DIAPH1: variants seen among roughly 807,000 people sequenced by gnomAD.
DIAPH1 encodes the protein protein diaphanous homolog 1.
In DIAPH1, 46 loss-of-function variants were observed where a neutral mutation model predicts 140.7. The ratio of observed to expected loss-of-function variants is 0.33; its 90% confidence interval spans 0.26 to 0.42. The LOEUF is 0.42. Ranked by LOEUF, DIAPH1 falls within the 10% of genes least tolerant of loss-of-function variation. The pLI is 1.00. For missense variants in DIAPH1, 1,310 were observed against 1,558.7 expected (o/e 0.84, Z 2.69); for synonymous variants, 565 against 551.6 (o/e 1.02, Z -0.34).
chr5:141,576,055 A>G (rs1177112483), intron 14 of DIAPH1, among the ~76,000 whole-genome samples, 175 bp downstream of exon 14: 2 of 152,200 alleles, frequency 1.3e-5, no homozygotes, highest in South Asian at 2.1e-4. Flanking sequence ...GAAGACATCC[A>G]TATCACTTTC....
chr5:141,583,340 T>C, intron 5 of DIAPH1, 48 bp from the exon 6 acceptor site: 1 of 1,606,102 alleles, frequency 6.2e-7, no homozygotes, highest in East Asian at 2.2e-5. Context: ...AATAAATACT[T>C]ATTTGCCAAA....
At chr5:141,582,052 T>G (rs962410302) in intron 7 of DIAPH1, 2 of 314,532 alleles carry the variant, frequency 6.4e-6, no homozygotes, top group Admixed American at 1.6e-4. Context: ...AGAGCGAGAC[T>G]CCATCTCAAA....
At chr5:141,524,082 G>T in intron 27 of DIAPH1, 61 bp downstream of exon 27, 3 of 1,401,064 alleles carry the variant, frequency 2.1e-6, no homozygotes, top group Non-Finnish European at 3.0e-6. Flanking sequence ...CCGCAGACTG[G>T]CAGGAGTAGA....
intron 1 of DIAPH1, among the ~76,000 whole-genome samples, chr5:141,609,675 G>A (rs10477148): frequency 0.68 from 103,484 of 152,122 alleles, 36,590 homozygotes; most frequent in African/African-American, 0.88. Flanking sequence ...TGCTACTGTT[G>A]TTATTCCCTA....
intron 3 of DIAPH1, among the ~76,000 whole-genome samples, chr5:141,585,296 T>C (rs988491607): frequency 6.6e-6 from 1 of 152,034 alleles, no homozygotes; most frequent in Admixed American, 6.5e-5. Context: ...ACACAGAAGT[T>C]ACAAAATGGT....
rs372097562 is a variant in DIAPH1 at position 141,574,129 on chromosome 5, G to T, written c.1721C>A (p.Pro574His). The T allele has an allele frequency of 6.2e-7, 1 of 1,614,068 alleles. No homozygotes were observed. Among genetic ancestry groups the T allele is most frequent in the Admixed American group, 1.7e-5 (1 of 60,010 alleles). ...SLSAAAITVP[P>H]SVPSRAPVPP... ...AACAGGAGCACGACTAGGAACAGAAGGAGGTACAGTAATAGCTGCCGCAGA... is the reference window on the plus strand; with the variant it reads ...AACAGGAGCACGACTAGGAACAGAATGAGGTACAGTAATAGCTGCCGCAGA... The change falls in exon 16 of 28, where the codon CCT becomes CAT. Residue 574 changes from proline to histidine, a missense_variant. Physicochemically the swap from Pro to His is moderately conservative, Grantham distance 77. Around this residue, in one of 3 missense-constraint regions of DIAPH1, gnomAD observed 589 missense variants for 549.3 expected, o/e 1.07. Coordinates refer to ENST00000389054, the MANE Select transcript of DIAPH1 (RefSeq NM_005219.5).
At chr5:141,589,665 T>C (rs2099898082) in intron 1 of DIAPH1, among the ~76,000 whole-genome samples, 1 of 152,038 alleles carries the variant, frequency 6.6e-6, no homozygotes, top group Non-Finnish European at 1.5e-5. Flanking sequence ...GGGTCGTGAT[T>C]GGGGAAGGGG....
rs1485669776 is a variant in DIAPH1, at chr5:141,528,593, G to C, written c.3019-11C>G. 2 of 1,614,198 alleles carry C rather than the reference G, an allele frequency of 1.2e-6. No individual in the cohort carries two copies. Among genetic ancestry groups the C allele is most frequent in the Non-Finnish European group, 1.7e-6 (2 of 1,180,038 alleles). On this transcript the variant is annotated splice_polypyrimidine_tract_variant and intron_variant, in intron 22 of 27. Transcript: ENST00000389054. ...CTTGGTGTCTCGAAGCTTAGAGAAAGAGGAGAAACTGTTAAATCCTGACAT... is the reference window on the plus strand; with the variant it reads ...CTTGGTGTCTCGAAGCTTAGAGAAACAGGAGAAACTGTTAAATCCTGACAT...
At position 141,528,694 on chromosome 5, in the gene DIAPH1, T is replaced by G. The variant is rs764150939; in HGVS notation, c.3018+8A>C. 1 of 1,614,138 alleles carries G rather than the reference T, an allele frequency of 6.2e-7. No homozygotes were observed. Among genetic ancestry groups the G allele is most frequent in the African/African-American group, 1.3e-5 (1 of 74,954 alleles). The stretch of plus-strand genomic sequence containing the variant: ...CTTGTGTTGTCCTGCCCTACCTCTT[T>G]GGCTCACCTTACAGAGGAAGCTGAT... On this transcript the variant is annotated splice_region_variant and intron_variant, in intron 22 of 27. Coordinates refer to ENST00000389054, the MANE Select transcript of DIAPH1 (RefSeq NM_005219.5).
At position 141,516,929 on chromosome 5, in the gene DIAPH1, AG is replaced by A; in HGVS notation, c.3740del (p.Pro1247LeufsTer50). On this transcript the variant is annotated frameshift_variant, in exon 28 of 28. Coordinates refer to ENST00000389054, the MANE Select transcript of DIAPH1 (RefSeq NM_005219.5). LOFTEE classifies it high-confidence loss of function. ...LTKDDAMAAV[P>X]AKVSKNSETF... ...TCTCACTGTTCTTGGACACCTTGGC[AG>A]GAACAGCAGCCATGGCATCATCCTT... The A allele has an allele frequency of 6.2e-7, 1 of 1,614,272 alleles. No individual in the cohort carries two copies. Among genetic ancestry groups the A allele is most frequent in the South Asian group, 1.1e-5 (1 of 91,088 alleles).
chr5:141,586,132 T>C (rs1227678737), intron 3 of DIAPH1, among the ~76,000 whole-genome samples: 1 of 152,218 alleles, frequency 6.6e-6, no homozygotes, highest in East Asian at 1.9e-4. Context: ...ATCTTCTATC[T>C]AGCCTGCTTA....
chr5:141,531,226 C>T (rs538631595), intron 19 of DIAPH1, among the ~76,000 whole-genome samples: 151 of 152,236 alleles, frequency 9.9e-4, no homozygotes, highest in Non-Finnish European at 1.9e-3. Context: ...TACCACTTTC[C>T]GCAGAGTGAC....
intron 1 of DIAPH1, among the ~76,000 whole-genome samples, chr5:141,593,398 A>G (rs373751972): frequency 1.3e-5 from 2 of 152,300 alleles, no homozygotes; most frequent in East Asian, 3.9e-4. Context: ...AAAGAAAAGT[A>G]AACCTAGGCA....
At position 141,565,992 on chromosome 5, in the gene DIAPH1, T is replaced by C. The variant is rs951440445; in HGVS notation, c.2482+5436A>G. 6.6e-6 allele frequency among the ~76,000 whole-genome samples: 1 copy of C among 152,192 alleles called. No homozygotes were observed. Among genetic ancestry groups the C allele is most frequent in the African/African-American group, 2.4e-5 (1 of 41,508 alleles). On this transcript the variant is annotated intron_variant, in intron 18 of 27. Transcript: ENST00000389054. The surrounding 1 kb of genome is among the most constrained non-coding windows in gnomAD (Gnocchi z 4.3). ...GGATTGTGGTTTTGCCAATCGAGTA[T>C]GAAATGAGAGAGATAATGGAAGAAC... is the stretch of plus-strand genomic sequence containing the variant.
chr5:141,578,823 G>A (rs1166000317), intron 9 of DIAPH1, among the ~76,000 whole-genome samples, 198 bp from the exon 10 acceptor site: 1 of 152,136 alleles, frequency 6.6e-6, no homozygotes, highest in Non-Finnish European at 1.5e-5. Flanking sequence ...ATGGTTTCAA[G>A]GATTTGAGAG....
rs1562337245 is a variant in DIAPH1, at chr5:141,591,709, T to G, written c.118-3459A>C. On this transcript the variant is annotated intron_variant, in intron 1 of 27. Transcript: ENST00000389054. ...AGGGAGATGGGGATATATATATATATATATATATATATATATATGAAGGAA... is the reference window on the plus strand; with the variant it reads ...AGGGAGATGGGGATATATATATATAGATATATATATATATATATGAAGGAA... Among the ~76,000 whole-genome samples, 3 of 80,838 alleles carry G rather than the reference T, an allele frequency of 3.7e-5. 1 individual carries two copies. Among genetic ancestry groups the G allele is most frequent in the Non-Finnish European group, 7.8e-5 (3 of 38,236 alleles). 53.0% of individuals were successfully genotyped at this position (80,838 alleles called of 152,430 possible).
rs1363077545 is a variant in DIAPH1, at chr5:141,578,506, A to G, written c.1044+9T>C. 12 of 1,609,602 alleles carry G rather than the reference A, an allele frequency of 7.5e-6. No individual in the cohort carries two copies. Among genetic ancestry groups the G allele is most frequent in the African/African-American group, 1.3e-5 (1 of 74,816 alleles). On this transcript the variant is annotated intron_variant, in intron 10 of 27. Coordinates refer to ENST00000389054, the MANE Select transcript of DIAPH1 (RefSeq NM_005219.5). ...AGTCTAGCCTTTCTAATGAAGTGTA[A>G]TATCTTACCTGCAACACCTGATGTA...
intron 1 of DIAPH1, among the ~76,000 whole-genome samples, chr5:141,600,179 G>C (rs2099899929): frequency 1.3e-5 from 2 of 152,208 alleles, no homozygotes; most frequent in South Asian, 4.1e-4. Flanking sequence ...ATTATAGGCA[G>C]CCTCTGGGTA....
Position 141,518,983 on chromosome 5 carries a change from G to A in DIAPH1, c.3662-1975C>T, listed in dbSNP as rs1321738537. 9.7e-6 allele frequency: 15 copies of A among 1,550,602 alleles called. No individual in the cohort carries two copies. In the South Asian group the frequency reaches 1.7e-4, roughly 17 times the overall value. On this transcript the variant is annotated intron_variant, in intron 27 of 27. Coordinates refer to ENST00000389054, the MANE Select transcript of DIAPH1 (RefSeq NM_005219.5). ...CCTCCTCCTCCTCTACTTCCCAGGG[G>A]CACAAGAGGTTGTCTACCAAGAGGA... is the stretch of plus-strand genomic sequence containing the variant.
Sources: gnomAD v4.1 joint callset for allele counts (sites outside exome capture counted in the v4.1 genomes callset) on GRCh38, gnomAD v4.1.1 for gene constraint, gnomAD v4.1.1 regional missense constraint, Gnocchi (gnomAD v3.1) non-coding constraint, MANE v1.5 for transcripts, NCBI Gene and HGNC (gene_info 2026-07-23, HGNC 2026-07-21) for gene names.